The following UBE2O variants were observed in gnomAD, a reference collection of about 807,000 sequenced individuals.
UBE2O encodes (E3-independent) E2 ubiquitin-conjugating enzyme.
In UBE2O, 15 loss-of-function variants were observed where a neutral mutation model predicts 125.8. The ratio of observed to expected loss-of-function variants is 0.12; its 90% CI spans 0.08 to 0.18. The LOEUF is 0.18. Ranked by LOEUF, UBE2O falls within the 10% of genes least tolerant of loss-of-function variation. The pLI, the probability that UBE2O is intolerant of heterozygous loss-of-function variation, is 1.00. For missense variants in UBE2O, 1,280 were observed against 1,723.6 expected (o/e 0.74, Z 4.56); for synonymous variants, 708 against 703.2 (o/e 1.01, Z -0.11).
chr17:76,400,015 C>T lies in UBE2O; in HGVS notation c.1156-94G>A. The T allele has an allele frequency of 8.5e-6, 13 of 1,526,664 alleles. No individual in the cohort carries two copies. The highest frequency in any genetic ancestry group is 1.1e-5 in the Non-Finnish European group (12 of 1,129,572). 94.6% of individuals were successfully genotyped at this position (1,526,664 alleles called of 1,614,324 possible). A position where few individuals can be genotyped will look rare whatever the true frequency, so the allele number is the denominator to read the frequency against. The stretch of plus-strand genomic sequence containing the variant: ...AGGCTGGGGGGATGACAGCTGTATA[C>T]ACCTGAGTAGCCGGCAAGGGTCATC... On this transcript the variant is annotated intron_variant, in intron 8 of 17. Transcript: ENST00000319380. The surrounding 1 kb of genome is among the most constrained non-coding windows in gnomAD (Gnocchi z 4.3).
At chr17:76,430,782 G>T in intron 1 of UBE2O, 1 of 253,302 alleles carries the variant, frequency 3.9e-6, no homozygotes, top group South Asian at 4.5e-5. Flanking sequence ...TTAAAGATCT[G>T]ACAAAGGCAA....
At chr17:76,397,733 C>T (rs2072238969) in intron 13 of UBE2O, 66 bp downstream of exon 13, 1 of 1,504,530 alleles carries the variant, frequency 6.6e-7, no homozygotes, top group Non-Finnish European at 9.3e-7. Context: ...TGGCTACACG[C>T]CTGTGGCCCC....
At chr17:76,417,588 A>G (rs773740892) in intron 1 of UBE2O, among the ~76,000 whole-genome samples, 1 of 152,176 alleles carries the variant, frequency 6.6e-6, no homozygotes, top group Non-Finnish European at 1.5e-5. Context: ...ACCAGTGATA[A>G]GAGGACATGG....
At chr17:76,429,659 G>C (rs1164579577) in intron 1 of UBE2O, among the ~76,000 whole-genome samples, 1 of 151,862 alleles carries the variant, frequency 6.6e-6, no homozygotes, top group African/African-American at 2.4e-5. Context: ...GGAGTAGAAA[G>C]CTGGCCACTG....
rs1015650848 is a variant in UBE2O at position 76,402,919 on chromosome 17, G to A, written c.589-220C>T. Among the ~76,000 whole-genome samples, 1 of 152,124 alleles carries A rather than the reference G, an allele frequency of 6.6e-6. No homozygotes were observed. Among genetic ancestry groups the A allele is most frequent in the Non-Finnish European group, 1.5e-5 (1 of 68,032 alleles). ...CTCTTCCCAGTGAGGAGGAAGTGGT[G>A]GTGGTGGTGGGGCTGCCTGGAGGGA... is the stretch of plus-strand genomic sequence containing the variant. On this transcript the variant is annotated intron_variant, in intron 3 of 17. Transcript: ENST00000319380. This position sits in a 1 kb window ranked among gnomAD's most constrained non-coding sequence, Gnocchi z 5.4.
At chr17:76,415,797 G>GTA (rs1042170018) in intron 1 of UBE2O, among the ~76,000 whole-genome samples, 21 of 85,010 alleles carry the variant, frequency 2.5e-4, no homozygotes, top group African/African-American at 9.2e-4. Context: ...GAGCAAGACT[G>GTA]TGTGTGTGTG....
At chr17:76,428,127 G>C (rs764425464) in intron 1 of UBE2O, among the ~76,000 whole-genome samples, 1 of 152,210 alleles carries the variant, frequency 6.6e-6, no homozygotes, top group Non-Finnish European at 1.5e-5. Context: ...CACTGAAACA[G>C]GAAATCCACC....
chr17:76,452,592 C>A lies in UBE2O; in HGVS notation c.417+133G>T. Reference sequence around the variant, plus strand: ...GACTTTGCATGGAGTGTACCCTCCACTGGGGCTGTCCTCCCGCGTCGGCCA... The same window carrying A: ...GACTTTGCATGGAGTGTACCCTCCAATGGGGCTGTCCTCCCGCGTCGGCCA... On this transcript the variant is annotated intron_variant, in intron 1 of 17. Transcript: ENST00000319380. The surrounding 1 kb of genome is among the most constrained non-coding windows in gnomAD (Gnocchi z 4.4). The A allele has an allele frequency of 1.2e-6, 1 of 836,432 alleles. No individual in the cohort carries two copies. The highest frequency in any genetic ancestry group is 1.8e-5 in the African/African-American group (1 of 55,760). 51.8% of individuals were successfully genotyped at this position (836,432 alleles called of 1,614,324 possible).
intron 1 of UBE2O, among the ~76,000 whole-genome samples, chr17:76,421,413 G>T (rs2072708778): frequency 6.6e-6 from 1 of 151,972 alleles, no homozygotes; most frequent in Non-Finnish European, 1.5e-5. Context: ...TGTTGCCCAG[G>T]CTGGAGTGCA....
Position 76,396,062 on chromosome 17 carries a change from C to T in UBE2O, c.2809+66G>A. 1 of 1,561,292 alleles carries T rather than the reference C, an allele frequency of 6.4e-7. No individual in the cohort carries two copies. Among genetic ancestry groups the T allele is most frequent in the Non-Finnish European group, 8.7e-7 (1 of 1,145,174 alleles). On this transcript the variant is annotated intron_variant, in intron 14 of 17. Coordinates refer to ENST00000319380, the MANE Select transcript of UBE2O (RefSeq NM_022066.4). The surrounding 1 kb of genome is among the most constrained non-coding windows in gnomAD (Gnocchi z 6.7). ...GGGACTAACCACCCTGCACCCAGAT[C>T]TGGTGACACAAACAGGAGCCCCGAG... is the stretch of plus-strand genomic sequence containing the variant.
chr17:76,415,471 C>T (rs1023094141), intron 1 of UBE2O, among the ~76,000 whole-genome samples: 6 of 152,186 alleles, frequency 3.9e-5, no homozygotes, highest in Admixed American at 2.6e-4. Flanking sequence ...AAGCATGGCC[C>T]TTGCTACACC....
intron 1 of UBE2O, among the ~76,000 whole-genome samples, chr17:76,408,606 C>T (rs2072463204): frequency 6.6e-6 from 1 of 152,222 alleles, no homozygotes; most frequent in Non-Finnish European, 1.5e-5. Context: ...GAAAGAAAAA[C>T]TCTCTTCATT....
rs1443943186 is a variant in UBE2O, at chr17:76,396,626, C to T, written c.2311G>A (p.Asp771Asn). 11 of 1,612,862 alleles carry T rather than the reference C, an allele frequency of 6.8e-6. No individual in the cohort carries two copies. Among genetic ancestry groups the T allele is most frequent in the Non-Finnish European group, 8.5e-6 (10 of 1,179,652 alleles). The change falls in exon 14 of 18, where the codon GAC becomes AAC. Residue 771 changes from aspartate to asparagine, a missense_variant. Transcript: ENST00000319380. This position sits in a 1 kb window ranked among gnomAD's most constrained non-coding sequence, Gnocchi z 6.7. The part of the protein sequence containing the change: ...PPLEQPVAPE[D>N]KGVVISEEAA... ...TCTTCACTGATCACCACTCCCTTGT[C>T]CTCAGGGGCCACCGGCTGCTCCAGG...
chr17:76,399,732 C>A lies in UBE2O; in HGVS notation c.1345G>T (p.Gly449Cys), dbSNP rs766109585. ...SASPVEMQDE[G>C]AEEPHEAGEQ... The stretch of plus-strand genomic sequence containing the variant: ...CCTGCCTCGTGGGGCTCCTCTGCAC[C>A]CTCGTCCTGCATCTCCACTGGACTG... Residue 449 changes from glycine (G) to cysteine (C), a missense_variant, in exon 9 of 18, where the codon GGT becomes TGT. Physicochemically the swap from Gly to Cys is radical, Grantham distance 159. Around this residue, in one of 10 missense-constraint regions of UBE2O, gnomAD observed 141 missense variants for 141.3 expected, o/e 1.00. Coordinates refer to ENST00000319380, the MANE Select transcript of UBE2O (RefSeq NM_022066.4). The surrounding 1 kb of genome is among the most constrained non-coding windows in gnomAD (Gnocchi z 6.9). 6.2e-7 allele frequency: 1 copy of A among 1,614,188 alleles called. No homozygotes were observed. Among genetic ancestry groups the A allele is most frequent in the South Asian group, 1.1e-5 (1 of 91,084 alleles).
At chr17:76,421,395 T>C (rs969206786) in intron 1 of UBE2O, among the ~76,000 whole-genome samples, 14 of 147,264 alleles carry the variant, frequency 9.5e-5, no homozygotes, top group African/African-American at 3.4e-4. Context: ...GAGACGGAGT[T>C]TCGCTCTTGT....
At chr17:76,429,466 T>A (rs1276772093) in intron 1 of UBE2O, among the ~76,000 whole-genome samples, 1 of 135,640 alleles carries the variant, frequency 7.4e-6, no homozygotes, top group Non-Finnish European at 1.5e-5. Flanking sequence ...TGCTTCAGCC[T>A]GGGAGGCAGA....
Position 76,402,244 on chromosome 17 carries a change from C to T in UBE2O, c.687-117G>A, listed in dbSNP as rs900849605. On this transcript the variant is annotated intron_variant, in intron 4 of 17. Coordinates refer to ENST00000319380, the MANE Select transcript of UBE2O (RefSeq NM_022066.4). This position sits in a 1 kb window ranked among gnomAD's most constrained non-coding sequence, Gnocchi z 5.4. ...CTAAATAGCACAATTCGTCTTCTAC[C>T]ATCAACTCAGCCCGAGGTAGTACAA... 7.2e-5 allele frequency: 66 copies of T among 911,856 alleles called. No homozygotes were observed. Among genetic ancestry groups the T allele is most frequent in the Non-Finnish European group, 1.1e-4 (64 of 590,824 alleles). The allele number at this position is 911,856 out of a possible 1,614,324, so 56.5% of individuals were successfully genotyped here.
chr17:76,408,599 A>G (rs1432922608), intron 1 of UBE2O, among the ~76,000 whole-genome samples: 6 of 152,228 alleles, frequency 3.9e-5, no homozygotes, highest in Non-Finnish European at 1.5e-5. Context: ...TATGAAAGAA[A>G]GAAAAACTCT....
intron 1 of UBE2O, among the ~76,000 whole-genome samples, chr17:76,415,587 T>C (rs890756524): frequency 2.6e-5 from 4 of 152,154 alleles, no homozygotes; most frequent in Non-Finnish European, 4.4e-5. Flanking sequence ...GTTGGATCAC[T>C]TGAGGTCAGG....
Sources: gnomAD v4.1 joint callset for allele counts (sites outside exome capture counted in the v4.1 genomes callset) on GRCh38, gnomAD v4.1.1 for gene constraint, gnomAD v4.1.1 regional missense constraint, Gnocchi (gnomAD v3.1) non-coding constraint, MANE v1.5 for transcripts, NCBI Gene and HGNC (gene_info 2026-07-23, HGNC 2026-07-21) for gene names.